The following MAPRE3 variants were observed in gnomAD, a reference collection of about 807,000 sequenced individuals.
MAPRE3 encodes the protein microtubule associated protein RP/EB family member 3.
Under a neutral mutation model 30.5 loss-of-function variants are expected in MAPRE3, and 2 were observed. That is an observed-to-expected ratio of 0.07 (90% CI 0.03 to 0.21). The LOEUF is 0.21. Ranked by LOEUF, MAPRE3 falls within the 10% of genes least tolerant of loss-of-function variation. The probability of loss-of-function intolerance (pLI) is 1.00; values close to 1 mark genes in which losing one functional copy is unlikely to be tolerated. For missense variants in MAPRE3, 204 were observed against 351.8 expected, an observed-to-expected ratio of 0.58 and a Z score of 3.36; for synonymous variants, 110 against 127.7, an observed-to-expected ratio of 0.86 and a Z score of 0.93.
chr2:27,025,549 A>C, intron 4 of MAPRE3, 34 bp from the exon 5 acceptor site: 1 of 1,538,788 alleles, frequency 6.5e-7, no homozygotes, highest in Non-Finnish European at 8.7e-7. Flanking sequence ...CTGTGGGCTC[A>C]CGTGGACTTA....
At chr2:27,022,781 C>T (rs1572774068) in intron 2 of MAPRE3, 5 of 170,806 alleles carry the variant, frequency 2.9e-5, no homozygotes, top group Admixed American at 2.8e-4. Context: ...ATAGCTGTAG[C>T]TTGTGATTAG....
In MAPRE3 at chr2:27,023,139, C is replaced by T. The variant is rs139748060; in HGVS notation, c.122-193C>T. Among the ~76,000 whole-genome samples the T allele has an allele frequency of 5.5e-3, 831 of 152,292 alleles. 6 individuals carry two copies. Among genetic ancestry groups the T allele is most frequent in the East Asian group, 0.012 (61 of 5,192 alleles). On this transcript the variant is annotated intron_variant, in intron 2 of 6. Coordinates refer to ENST00000233121, the MANE Select transcript of MAPRE3 (RefSeq NM_012326.4). ...TTTGGTGTGGTGCTGGTTCATAATA[C>T]GCATCAATAAATAGTCATTGCTTTT...
intron 1 of MAPRE3, chr2:26,996,791 A>G (rs1666471452): frequency 6.6e-6 from 1 of 152,148 alleles, no homozygotes; most frequent in Non-Finnish European, 1.5e-5. Flanking sequence ...TGGGCGACAG[A>G]GCGAGACTCC....
chr2:26,990,926 T>C (rs1666323327), intron 1 of MAPRE3, among the ~76,000 whole-genome samples: 1 of 152,206 alleles, frequency 6.6e-6, no homozygotes, highest in Non-Finnish European at 1.5e-5. Context: ...AGCATTTCCC[T>C]GACACTCAGT....
chr2:27,008,141 G>C (rs1653095916), intron 1 of MAPRE3, among the ~76,000 whole-genome samples: 1 of 152,148 alleles, frequency 6.6e-6, no homozygotes, highest in African/African-American at 2.4e-5. Context: ...TTGAAACTTT[G>C]TCCTCTTTCT....
At chr2:27,018,895 T>TTTTTTTTTTTTATTTATTTATTTA in intron 1 of MAPRE3, among the ~76,000 whole-genome samples, 1 of 146,946 alleles carries the variant, frequency 6.8e-6, no homozygotes, top group African/African-American at 2.5e-5. Context: ...GCACACACAT[T>TTTTTTTTTTTTATTTATTTATTTA]TTTATTTATT....
chr2:26,999,213 C>T (rs1666531066), intron 1 of MAPRE3, among the ~76,000 whole-genome samples: 1 of 152,086 alleles, frequency 6.6e-6, no homozygotes, highest in Non-Finnish European at 1.5e-5. Flanking sequence ...ATATAGAGAG[C>T]CATTGGTGCT....
intron 1 of MAPRE3, among the ~76,000 whole-genome samples, chr2:26,994,874 T>C (rs1471640185): frequency 6.9e-6 from 1 of 144,020 alleles, no homozygotes; most frequent in Non-Finnish European, 1.5e-5. Context: ...ACTCTGTCTA[T>C]CACCCAGGCT....
At chr2:27,013,156 C>A (rs1416816213) in intron 1 of MAPRE3, 2 of 152,652 alleles carry the variant, frequency 1.3e-5, no homozygotes, top group African/African-American at 4.8e-5. Context: ...AGTTCCCTTC[C>A]CAACACGTCA....
chr2:26,981,766 T>C (rs535212617), intron 1 of MAPRE3, among the ~76,000 whole-genome samples: 1 of 152,120 alleles, frequency 6.6e-6, no homozygotes, highest in Non-Finnish European at 1.5e-5. Context: ...TCTCAGCTTG[T>C]CACAAAAGAG....
intron 1 of MAPRE3, among the ~76,000 whole-genome samples, chr2:27,020,794 C>A (rs1377823687): frequency 6.6e-6 from 1 of 152,158 alleles, no homozygotes; most frequent in African/African-American, 2.4e-5. Flanking sequence ...GGGCGGTGGC[C>A]AGACCTGCTT....
intron 1 of MAPRE3, among the ~76,000 whole-genome samples, chr2:26,994,130 C>G (rs963250166): frequency 5.3e-5 from 8 of 152,194 alleles, no homozygotes; most frequent in African/African-American, 1.7e-4. Context: ...TCTGAGGAAA[C>G]TGACACAATT....
intron 1 of MAPRE3, among the ~76,000 whole-genome samples, chr2:26,998,022 G>A (rs1666504356): frequency 6.6e-6 from 1 of 152,198 alleles, no homozygotes; most frequent in African/African-American, 2.4e-5. Flanking sequence ...GGGTAGACAT[G>A]CTGCCTTTAA....
chr2:27,009,115 T>C (rs145643790), intron 1 of MAPRE3, among the ~76,000 whole-genome samples: 3,838 of 152,222 alleles, frequency 0.025, 58 homozygotes, highest in Non-Finnish European at 0.039. Context: ...AACAGGTCTG[T>C]ATTCTGGTAG....
At chr2:26,997,450 A>G (rs1666489093) in intron 1 of MAPRE3, among the ~76,000 whole-genome samples, 2 of 152,168 alleles carry the variant, frequency 1.3e-5, no homozygotes. Context: ...GACCCAGGGA[A>G]GCCCAAAGAT....
In MAPRE3 at chr2:27,022,390, A is replaced by T. The variant is rs753961112; in HGVS notation, c.121+51A>T. ...GGCCCTGCTGGAAGGAAAGGAAAGA[A>T]AGGTCGGAAGGCAGAGCAGCCACAA... On this transcript the variant is annotated intron_variant, in intron 2 of 6. Coordinates refer to ENST00000233121, the MANE Select transcript of MAPRE3 (RefSeq NM_012326.4). The T allele has an allele frequency of 5.9e-5, 95 of 1,603,872 alleles. 1 individual carries two copies. The Middle Eastern group carries it at 2.8e-3, about 48-fold the overall frequency.
intron 1 of MAPRE3, among the ~76,000 whole-genome samples, chr2:26,987,280 C>T (rs1012400521): frequency 1.2e-4 from 18 of 152,066 alleles, no homozygotes; most frequent in African/African-American, 4.1e-4. Context: ...GGTAGAGTTG[C>T]GACTGAGGAA....
intron 1 of MAPRE3, among the ~76,000 whole-genome samples, chr2:26,981,427 G>C (rs969329829): frequency 9.2e-5 from 14 of 152,148 alleles, no homozygotes; most frequent in Non-Finnish European, 1.2e-4. Context: ...ACAGGGGCCA[G>C]TGGGAACGGA....
intron 1 of MAPRE3, among the ~76,000 whole-genome samples, chr2:26,991,240 T>C (rs1242440938): frequency 1.3e-5 from 2 of 151,510 alleles, no homozygotes; most frequent in East Asian, 3.9e-4. Context: ...GGCGACAGAG[T>C]GAGACTCCAT....
Sources: gnomAD v4.1 joint callset for allele counts (sites outside exome capture counted in the v4.1 genomes callset) on GRCh38, gnomAD v4.1.1 for gene constraint, MANE v1.5 for transcripts, NCBI Gene and HGNC (gene_info 2026-07-23, HGNC 2026-07-21) for gene names.